DPF2: variants seen among roughly 807,000 people sequenced by gnomAD.
DPF2 encodes the protein double PHD fingers 2, also known as zinc finger protein ubi-d4.
In DPF2, 10 loss-of-function variants were observed where a neutral mutation model predicts 59.6. That is an observed-to-expected ratio of 0.17 (90% CI 0.10 to 0.28). DPF2 has a LOEUF of 0.28. Ranked by LOEUF, DPF2 falls within the 10% of genes least tolerant of loss-of-function variation. The pLI, the probability that DPF2 is intolerant of heterozygous loss-of-function variation, is 1.00. For missense variants in DPF2, 315 were observed against 509.4 expected (o/e 0.62, Z 3.67); for synonymous variants, 189 against 190.6 (o/e 0.99, Z 0.07).
chr11:65,345,846 C>T, intron 7 of DPF2, 43 bp downstream of exon 7: 1 of 1,613,496 alleles, frequency 6.2e-7, no homozygotes, highest in Non-Finnish European at 8.5e-7. Flanking sequence ...AGAAGTTGGC[C>T]TGGTTATGAA....
chr11:65,352,116 G>A lies in DPF2; in HGVS notation c.*357G>A, dbSNP rs763709425. 6.3e-5 allele frequency: 16 copies of A among 255,952 alleles called. No individual in the cohort carries two copies. The highest frequency in any genetic ancestry group is 1.5e-4 in the Admixed American group (3 of 20,014). 15.9% of individuals were successfully genotyped at this position (255,952 alleles called of 1,614,324 possible). On this transcript the variant is annotated 3_prime_UTR_variant, in exon 11 of 11. Coordinates refer to ENST00000528416, the MANE Select transcript of DPF2 (RefSeq NM_006268.5). Reference sequence around the variant, plus strand: ...GTGGGAGAGCAGCTCACTTCTCTGTGTTCTGCCTCCCCTCTGGTCTCCAGA... The same window carrying A: ...GTGGGAGAGCAGCTCACTTCTCTGTATTCTGCCTCCCCTCTGGTCTCCAGA...
intron 4 of DPF2, 75 bp from the exon 5 acceptor site, chr11:65,343,670 C>A: frequency 1.4e-6 from 2 of 1,456,364 alleles, no homozygotes; most frequent in Non-Finnish European, 1.9e-6. Context: ...TTCTGGGTGG[C>A]CTTGGCCAGT....
chr11:65,342,271 C>G (rs1407590830), intron 4 of DPF2, among the ~76,000 whole-genome samples: 5 of 152,068 alleles, frequency 3.3e-5, no homozygotes, highest in Non-Finnish European at 7.4e-5. Context: ...ATAGCAGGAC[C>G]TTGTCTCTAC....
intron 6 of DPF2, 188 bp downstream of exon 6, chr11:65,344,257 C>T (rs1854464548): frequency 1.6e-6 from 1 of 639,376 alleles, no homozygotes; most frequent in East Asian, 2.7e-5. Context: ...CGGGTGGGAC[C>T]TGCATGCTCT....
rs1350582465 is a variant in DPF2, at chr11:65,346,242, T to A, written c.905-5T>A. 1.2e-6 allele frequency: 2 copies of A among 1,613,684 alleles called. No individual in the cohort carries two copies. The highest frequency in any genetic ancestry group is 1.3e-5 in the African/African-American group (1 of 74,870). On this transcript the variant is annotated splice_region_variant and splice_polypyrimidine_tract_variant and intron_variant, in intron 8 of 10. Coordinates refer to ENST00000528416, the MANE Select transcript of DPF2 (RefSeq NM_006268.5). ...TGTCTGTCTCACTCACTTCCCCCAC[T>A]ACAGGGCATCCATCTTGCCTCCAAT...
chr11:65,341,438 A>C lies in DPF2; in HGVS notation c.341A>C (p.Gln114Pro). The C allele has an allele frequency of 6.2e-7, 1 of 1,614,254 alleles. No individual in the cohort carries two copies. The highest frequency in any genetic ancestry group is 8.5e-7 in the Non-Finnish European group (1 of 1,180,050). ...QTLKKEGLIS[Q>P]DGSSLEALLR... Reference sequence around the variant, plus strand: ...CTGAAGAAGGAGGGGCTGATCTCTCAGGATGGCAGTAGTTTAGAGGCTCTG... The same window carrying C: ...CTGAAGAAGGAGGGGCTGATCTCTCCGGATGGCAGTAGTTTAGAGGCTCTG... Residue 114 changes from glutamine (Q) to proline (P), a missense_variant, in exon 4 of 11, where the codon CAG (glutamine) becomes CCG (proline). Gln to Pro is a moderately conservative substitution (Grantham distance 76, BLOSUM62 -1). This residue lies in a region of DPF2 where 228 missense variants were observed against 275.3 expected (regional missense o/e 0.83). Transcript: ENST00000528416.
At chr11:65,337,207 T>A (rs2137682775) in intron 1 of DPF2, among the ~76,000 whole-genome samples, 1 of 151,756 alleles carries the variant, frequency 6.6e-6, no homozygotes, top group South Asian at 2.1e-4. Flanking sequence ...ATCCCAGAAC[T>A]TTGGAAGGCC....
At chr11:65,346,509 C>G in intron 9 of DPF2, 150 bp downstream of exon 9, 1 of 655,876 alleles carries the variant, frequency 1.5e-6, no homozygotes. Flanking sequence ...AGTCAGAACT[C>G]TGATTTGTTG....
At chr11:65,340,260 A>ATC in intron 1 of DPF2, 125 bp from the exon 2 acceptor site, 1 of 1,117,064 alleles carries the variant, frequency 9.0e-7, no homozygotes, top group Non-Finnish European at 1.3e-6. Flanking sequence ...AGGCAAATAG[A>ATC]ACGGAAGAGA....
At chr11:65,337,003 G>C (rs550133417) in intron 1 of DPF2, among the ~76,000 whole-genome samples, 1 of 152,178 alleles carries the variant, frequency 6.6e-6, no homozygotes, top group East Asian at 1.9e-4. Flanking sequence ...CAGAAGAATC[G>C]CTTGAACCCA....
At chr11:65,341,301 A>G in intron 3 of DPF2, 98 bp from the exon 4 acceptor site, 1 of 1,539,330 alleles carries the variant, frequency 6.5e-7, no homozygotes, top group South Asian at 1.2e-5. Flanking sequence ...AGAACAAAAG[A>G]TAGTGACAGA....
Position 65,343,734 on chromosome 11 carries a change from T to C in DPF2, c.466-11T>C, listed in dbSNP as rs1854447424. On this transcript the variant is annotated splice_polypyrimidine_tract_variant and intron_variant, in intron 4 of 10. Coordinates refer to ENST00000528416, the MANE Select transcript of DPF2 (RefSeq NM_006268.5). ...ATATTTCTACCCATGCTAACCCTCC[T>C]GTCCACTCAGCGGATCCTAGAACCA... is the stretch of plus-strand genomic sequence containing the variant. 1 of 1,585,940 alleles carries C rather than the reference T, an allele frequency of 6.3e-7. No homozygotes were observed. The highest frequency in any genetic ancestry group is 1.1e-5 in the South Asian group (1 of 86,988).
intron 10 of DPF2, among the ~76,000 whole-genome samples, chr11:65,349,750 C>T (rs144003802): frequency 2.6e-5 from 4 of 151,476 alleles, no homozygotes; most frequent in South Asian, 2.1e-4. Flanking sequence ...GAACCGAGAT[C>T]GCACCACTGC....
intron 4 of DPF2, among the ~76,000 whole-genome samples, chr11:65,342,411 A>T (rs180848953): frequency 1.4e-4 from 21 of 152,248 alleles, no homozygotes; most frequent in African/African-American, 4.8e-4. Context: ...ATGCCTCTGC[A>T]CTCCAGCCTG....
chr11:65,337,474 A>AATATATATATAT (rs1196397460), intron 1 of DPF2, among the ~76,000 whole-genome samples: 2 of 46,478 alleles, frequency 4.3e-5, no homozygotes, highest in Non-Finnish European at 7.2e-5. Flanking sequence ...AAAAAAAAAA[A>AATATATATATAT]ATATATATAT....
chr11:65,337,199 C>T (rs1253144993), intron 1 of DPF2, among the ~76,000 whole-genome samples: 1 of 151,802 alleles, frequency 6.6e-6, no homozygotes, highest in Non-Finnish European at 1.5e-5. Flanking sequence ...CACCTGTAAT[C>T]CCAGAACTTT....
rs145264138 is a variant in DPF2, at chr11:65,341,556, G to T, written c.459G>T (p.Ala153=). 3 of 1,614,118 alleles carry T rather than the reference G, an allele frequency of 1.9e-6. No individual in the cohort carries two copies. The highest frequency in any genetic ancestry group is 2.5e-6 in the Non-Finnish European group (3 of 1,180,022). The change falls in exon 4 of 11, where the codon GCG becomes GCT. Residue 153 remains alanine, a synonymous_variant. Transcript: ENST00000528416. ...AGTTTCCTGTGACCAACAGTCGAGC[G>T]CGAAAGGTACAGGATTATCCCTGTG... ...LGEFPVTNSR[A]RKRILEPDDF... is the part of the protein sequence containing the mutation.
chr11:65,349,307 C>G (rs1320149931), intron 10 of DPF2, among the ~76,000 whole-genome samples: 1 of 152,160 alleles, frequency 6.6e-6, no homozygotes, highest in African/African-American at 2.4e-5. Context: ...TTTCCTATCC[C>G]TTCCCCTTCT....
rs760874409 is a variant in DPF2, at chr11:65,341,475, C to G, written c.378C>G (p.Asp126Glu). The change falls in exon 4 of 11, where the codon GAC becomes GAG. Residue 126 changes from aspartate to glutamate, a missense_variant. By Grantham distance (45) the Asp-to-Glu change is conservative (BLOSUM62 2). Coordinates refer to ENST00000528416, the MANE Select transcript of DPF2 (RefSeq NM_006268.5). Reference protein sequence around the residue: ...GSSLEALLRTDPLEKRGAPDP... With the variant: ...GSSLEALLRTEPLEKRGAPDP... ...GTTTAGAGGCTCTGTTGCGCACTGA[C>G]CCCCTGGAGAAGCGAGGTGCCCCGG... 6.2e-7 allele frequency: 1 copy of G among 1,614,060 alleles called. No individual in the cohort carries two copies. The highest frequency in any genetic ancestry group is 1.3e-5 in the African/African-American group (1 of 74,916).
Sources: allele counts gnomAD v4.1 joint callset (sites outside exome capture counted in the v4.1 genomes callset), GRCh38; gene constraint gnomAD v4.1.1; regional missense constraint gnomAD v4.1.1; transcripts MANE v1.5; gene names NCBI Gene and HGNC (gene_info 2026-07-23, HGNC 2026-07-21).